Variants in CLYBL observed in about 807,000 individuals in gnomAD.
The protein encoded by CLYBL is citramalyl-CoA lyase, also known as citramalyl-CoA lyase, mitochondrial.
Under a neutral mutation model 38.9 loss-of-function variants are expected in CLYBL, and 31 were observed. The ratio of observed to expected loss-of-function variants is 0.80; its 90% CI spans 0.60 to 1.08. The LOEUF is 1.08. Ranked by LOEUF, CLYBL falls within the 50% of genes least tolerant of loss-of-function variation. The pLI is 0.00. For synonymous variants in CLYBL, 171 were observed against 158.6 expected (o/e 1.08, Z -0.59); for missense variants, 434 against 411.6 (o/e 1.05, Z -0.47).
At chr13:99,791,372 A>C (rs1476465079) in intron 2 of CLYBL, among the ~76,000 whole-genome samples, 1 of 149,322 alleles carries the variant, frequency 6.7e-6, no homozygotes, top group Non-Finnish European at 1.5e-5. Context: ...AAAAAAAAAC[A>C]AACAAAAAAC....
rs115308561 is a variant in CLYBL at position 99,795,062 on chromosome 13, G to A, written c.249+22052G>A. Reference sequence around the variant, plus strand: ...GGTGGTTTAAATCTTATTCTGTACCGGCTATGCAGGCCGCATGGTGTTTTG... The same window carrying A: ...GGTGGTTTAAATCTTATTCTGTACCAGCTATGCAGGCCGCATGGTGTTTTG... On this transcript the variant is annotated intron_variant, in intron 2 of 8. Coordinates refer to ENST00000339105, the MANE Select transcript of CLYBL (RefSeq NM_206808.5). Among the ~76,000 whole-genome samples the A allele has an allele frequency of 2.7e-3, 415 of 152,210 alleles. 1 individual carries two copies. Among genetic ancestry groups the A allele is most frequent in the African/African-American group, 8.4e-3 (347 of 41,524 alleles).
At chr13:99,761,054 A>C (rs2049155745) in intron 1 of CLYBL, among the ~76,000 whole-genome samples, 1 of 152,160 alleles carries the variant, frequency 6.6e-6, no homozygotes, top group Non-Finnish European at 1.5e-5. Flanking sequence ...GTAACCGTTA[A>C]TATTTTCTGT....
chr13:99,728,175 T>C (rs1105576), intron 1 of CLYBL, among the ~76,000 whole-genome samples: 55,120 of 152,072 alleles, frequency 0.36, 10,689 homozygotes, highest in East Asian at 0.59. Context: ...CTCTGTGTTT[T>C]GGTGGGGGGG....
intron 1 of CLYBL, among the ~76,000 whole-genome samples, chr13:99,698,248 G>C (rs1179299068): frequency 6.6e-6 from 1 of 151,936 alleles, no homozygotes; most frequent in Non-Finnish European, 1.5e-5. Flanking sequence ...GCAGAGTTCA[G>C]TGGCACAATC....
At chr13:99,727,853 G>T (rs369617277) in intron 1 of CLYBL, among the ~76,000 whole-genome samples, 164 of 152,182 alleles carry the variant, frequency 1.1e-3, no homozygotes, top group African/African-American at 3.9e-3. Context: ...CGAGGTGGGC[G>T]GATCACTTGA....
chr13:99,818,346 C>T (rs2050501459), intron 2 of CLYBL, among the ~76,000 whole-genome samples: 1 of 152,036 alleles, frequency 6.6e-6, no homozygotes, highest in Non-Finnish European at 1.5e-5. Context: ...CTTTCTCCGT[C>T]CTCGGGTTGA....
At position 99,615,648 on chromosome 13, in the gene CLYBL, A is replaced by G. The variant is rs138057565; in HGVS notation, c.62+8891A>G. Among the ~76,000 whole-genome samples the G allele has an allele frequency of 8.9e-4, 136 of 152,286 alleles. 2 individuals carry two copies. The highest frequency in any genetic ancestry group is 1.6e-3 in the Non-Finnish European group (112 of 68,026). ...TGGGTATGAATTTAAATCCACTGTA[A>G]TTCAAACAGGTTTAGTTTATTTCAT... On this transcript the variant is annotated intron_variant, in intron 1 of 8. Transcript: ENST00000339105.
chr13:99,662,829 G>T (rs980356879), intron 1 of CLYBL, among the ~76,000 whole-genome samples: 1 of 152,124 alleles, frequency 6.6e-6, no homozygotes, highest in African/African-American at 2.4e-5. Context: ...CACTTTCCTT[G>T]TTCCCTTATC....
chr13:99,701,468 C>T (rs539988867), intron 1 of CLYBL, among the ~76,000 whole-genome samples: 40 of 151,910 alleles, frequency 2.6e-4, no homozygotes, highest in African/African-American at 8.7e-4. Context: ...CCTGCCACCA[C>T]GCCTGGCTAA....
Position 99,786,200 on chromosome 13 carries a change from CTT to C in CLYBL, c.249+13207_249+13208del, listed in dbSNP as rs199863527. Among the ~76,000 whole-genome samples, 456 of 122,522 alleles carry C rather than the reference CTT, an allele frequency of 3.7e-3. 2 individuals carry two copies. The highest frequency in any genetic ancestry group is 0.011 in the African/African-American group (362 of 33,242). 80.4% of individuals were successfully genotyped at this position (122,522 alleles called of 152,430 possible). On this transcript the variant is annotated intron_variant, in intron 2 of 8. Coordinates refer to ENST00000339105, the MANE Select transcript of CLYBL (RefSeq NM_206808.5). ...CCTTTTTTTTTCTGGCTTAGCTTTC[CTT>C]TTTTTTTTTTTTTTTTAATTATACT...
intron 2 of CLYBL, among the ~76,000 whole-genome samples, chr13:99,824,978 A>C (rs1052583952): frequency 1.3e-5 from 2 of 152,070 alleles, no homozygotes; most frequent in Non-Finnish European, 2.9e-5. Flanking sequence ...GAGGCCTCCC[A>C]CTGATTTCCA....
intron 2 of CLYBL, 111 bp from the exon 3 acceptor site, chr13:99,858,750 A>C: frequency 4.3e-6 from 3 of 697,634 alleles, no homozygotes; most frequent in Non-Finnish European, 7.0e-6. Context: ...AAATGTGTAG[A>C]TAGAATAATG....
chr13:99,628,481 A>G (rs1344450240), intron 1 of CLYBL, among the ~76,000 whole-genome samples: 2 of 152,254 alleles, frequency 1.3e-5, no homozygotes, highest in Non-Finnish European at 2.9e-5. Flanking sequence ...AGTGAGAGAC[A>G]TGGCCTCATC....
In CLYBL at chr13:99,870,967, G is replaced by A; in HGVS notation, c.832G>A (p.Ala278Thr). Residue 278 changes from alanine to threonine, a missense_variant, in exon 7 of 9, where the codon GCC becomes ACC. Transcript: ENST00000339105. ...GCAGGTGATTCACCCTAACCAAATT[G>A]CCGTGGTCCAGGAGCAGTTTTCTCC... is the stretch of plus-strand genomic sequence containing the variant. The part of the protein sequence containing the change: ...GKQVIHPNQI[A>T]VVQEQFSPSP... 11 of 1,613,078 alleles carry A rather than the reference G, an allele frequency of 6.8e-6. No homozygotes were observed. The highest frequency in any genetic ancestry group is 7.6e-6 in the Non-Finnish European group (9 of 1,179,626).
intron 1 of CLYBL, among the ~76,000 whole-genome samples, chr13:99,744,598 C>A (rs1362418730): frequency 1.3e-5 from 2 of 152,124 alleles, no homozygotes; most frequent in Non-Finnish European, 2.9e-5. Context: ...AAGTGGAGAA[C>A]GCCTAATCCA....
At chr13:99,664,681 G>A (rs892160997) in intron 1 of CLYBL, among the ~76,000 whole-genome samples, 6 of 152,120 alleles carry the variant, frequency 3.9e-5, no homozygotes, top group African/African-American at 1.4e-4. Flanking sequence ...GCTTTGTATT[G>A]CCAGAAAATC....
At chr13:99,763,275 C>T (rs1397302875) in intron 1 of CLYBL, among the ~76,000 whole-genome samples, 3 of 152,154 alleles carry the variant, frequency 2.0e-5, no homozygotes, top group African/African-American at 7.2e-5. Flanking sequence ...CTTAATTTCT[C>T]CCTGTTCAGG....
At chr13:99,791,854 A>G (rs77172081) in intron 2 of CLYBL, among the ~76,000 whole-genome samples, 187 of 152,340 alleles carry the variant, frequency 1.2e-3, no homozygotes, top group African/African-American at 4.4e-3. Flanking sequence ...TTATTACCTT[A>G]GAGTCCTGAC....
At chr13:99,621,630 C>T (rs780438989) in intron 1 of CLYBL, among the ~76,000 whole-genome samples, 15 of 152,310 alleles carry the variant, frequency 9.8e-5, no homozygotes, top group Middle Eastern at 3.4e-3. Flanking sequence ...AACAGATTAT[C>T]GCAAACATGG....
Sources: allele counts gnomAD v4.1 joint callset (sites outside exome capture counted in the v4.1 genomes callset), GRCh38; gene constraint gnomAD v4.1.1; transcripts MANE v1.5; gene names NCBI Gene and HGNC (gene_info 2026-07-23, HGNC 2026-07-21).